Variants in ANKS6 observed in about 807,000 individuals in gnomAD.
ANKS6 encodes ankyrin repeat and SAM domain-containing protein 6.
A neutral mutation model predicts 77.9 loss-of-function variants in ANKS6; 47 were observed. The observed-to-expected ratio is 0.60, with a 90% CI of 0.48 to 0.77. ANKS6 has a LOEUF of 0.77. ANKS6 is among the 30% of genes least tolerant of loss of function. The pLI, the probability that ANKS6 is intolerant of heterozygous loss-of-function variation, is 0.00. For synonymous variants in ANKS6, 488 were observed against 501.7 expected, an observed-to-expected ratio of 0.97 and a Z score of 0.37; for missense variants, 1,150 against 1,159.1, an observed-to-expected ratio of 0.99 and a Z score of 0.11.
Position 98,778,212 on chromosome 9 carries a change from CAG to C in ANKS6, c.1567+12_1567+13del, listed in dbSNP as rs779689028. The C allele has an allele frequency of 4.3e-6, 7 of 1,613,760 alleles. No individual in the cohort carries two copies. The Admixed American group carries it at 1.0e-4, about 23-fold the overall frequency. On this transcript the variant is annotated intron_variant, in intron 7 of 14. Coordinates refer to ENST00000353234, the MANE Select transcript of ANKS6 (RefSeq NM_173551.5). ...CATTCCAAAAATTCTACTGCACATG[CAG>C]ACTTTTCTCACCATTGTCTTTGGTC... is the stretch of plus-strand genomic sequence containing the variant.
chr9:98,793,013 T>G (rs1834986095), intron 1 of ANKS6, among the ~76,000 whole-genome samples: 1 of 152,260 alleles, frequency 6.6e-6, no homozygotes, highest in Non-Finnish European at 1.5e-5. Context: ...GAGATGGGCA[T>G]GCTAGGGGCT....
rs1459638241 is a variant in ANKS6, at chr9:98,782,487, A to G, written c.1199T>C (p.Val400Ala). The G allele has an allele frequency of 6.2e-6, 10 of 1,613,992 alleles. No homozygotes were observed. Among genetic ancestry groups the G allele is most frequent in the Non-Finnish European group, 5.9e-6 (7 of 1,179,960 alleles). ...CCTACCGGGATCATTCAGCAGCATC[A>G]CCAGGTCAAAGGCCGTGTATCCATT... Reference protein sequence around the residue: ...AKNGYTAFDLVMLLNDPDTEL... With the variant: ...AKNGYTAFDLAMLLNDPDTEL... Residue 400 changes from valine (V) to alanine (A), a missense_variant, in exon 5 of 15, where the codon GTG becomes GCG. Physicochemically the swap from Val to Ala is moderately conservative, Grantham distance 64. Coordinates refer to ENST00000353234, the MANE Select transcript of ANKS6 (RefSeq NM_173551.5).
At chr9:98,745,780 A>G (rs1832095485) in intron 13 of ANKS6, 105 bp from the exon 14 acceptor site, 1 of 822,030 alleles carries the variant, frequency 1.2e-6, no homozygotes, top group Admixed American at 2.0e-5. Context: ...TATTAGTAGT[A>G]AACTGATGAT....
At chr9:98,761,523 T>C (rs1833008317) in intron 11 of ANKS6, among the ~76,000 whole-genome samples, 1 of 152,220 alleles carries the variant, frequency 6.6e-6, no homozygotes, top group African/African-American at 2.4e-5. Context: ...AATGGTATCT[T>C]TTACCAGGCA....
chr9:98,781,879 G>A lies in ANKS6; in HGVS notation c.1219+588C>T, dbSNP rs190642002. Among the ~76,000 whole-genome samples, 236 of 150,688 alleles carry A rather than the reference G, an allele frequency of 1.6e-3. 1 individual carries two copies. The highest frequency in any genetic ancestry group is 2.4e-3 in the Non-Finnish European group (163 of 67,228). On this transcript the variant is annotated intron_variant, in intron 5 of 14. Coordinates refer to ENST00000353234, the MANE Select transcript of ANKS6 (RefSeq NM_173551.5). ...GAAACTCCAGGTTGATAAGAAAGAC[G>A]ACAGATCAGAGACCTTTCCCCTTGA...
At position 98,766,971 on chromosome 9, in the gene ANKS6, C is replaced by T. The variant is rs535054745; in HGVS notation, c.2142+1110G>A. Among the ~76,000 whole-genome samples, 4 of 152,248 alleles carry T rather than the reference C, an allele frequency of 2.6e-5. No individual in the cohort carries two copies. In the South Asian group the frequency reaches 8.3e-4, roughly 32 times the overall value. Reference sequence around the variant, plus strand: ...CAGAGGAGGAAAGGGTTATGCTGCACTACTGGGGAGTCACTTGGTGGAGGA... The same window carrying T: ...CAGAGGAGGAAAGGGTTATGCTGCATTACTGGGGAGTCACTTGGTGGAGGA... On this transcript the variant is annotated intron_variant, in intron 11 of 14. Coordinates refer to ENST00000353234, the MANE Select transcript of ANKS6 (RefSeq NM_173551.5).
At chr9:98,740,143 G>T (rs142687455) in intron 14 of ANKS6, among the ~76,000 whole-genome samples, 92 of 152,234 alleles carry the variant, frequency 6.0e-4, no homozygotes, top group African/African-American at 2.1e-3. Context: ...CACTGAATGA[G>T]CCCAGACTTC....
chr9:98,784,937 CAAG>C, intron 2 of ANKS6, 61 bp from the exon 3 acceptor site: 1 of 1,490,360 alleles, frequency 6.7e-7, no homozygotes, highest in Non-Finnish European at 9.3e-7. Flanking sequence ...AGAAAAGTCA[CAAG>C]GGTGTAACAA....
chr9:98,735,865 A>C lies in ANKS6; in HGVS notation c.*654T>G. ...GTGGAATGCTACAGCAGTCACATAC[A>C]CAGCACTAAGGGACCCAGTGGCTGA... On this transcript the variant is annotated 3_prime_UTR_variant, in exon 15 of 15. Transcript: ENST00000353234. 1 of 1,232,150 alleles carries C rather than the reference A, an allele frequency of 8.1e-7. No homozygotes were observed. The highest frequency in any genetic ancestry group is 3.2e-5 in the East Asian group (1 of 31,696). The allele number at this position is 1,232,150 out of a possible 1,614,324, so 76.3% of individuals were successfully genotyped here.
intron 1 of ANKS6, among the ~76,000 whole-genome samples, chr9:98,795,070 A>G (rs1835101864): frequency 6.6e-6 from 1 of 152,130 alleles, no homozygotes; most frequent in Admixed American, 6.5e-5. Flanking sequence ...GCTTCACAGA[A>G]GCCAGATCTC....
intron 1 of ANKS6, among the ~76,000 whole-genome samples, chr9:98,795,463 T>A (rs1355862686): frequency 6.6e-6 from 1 of 152,152 alleles, no homozygotes. Flanking sequence ...GGCATCTGCC[T>A]TCTCTCCAGG....
intron 9 of ANKS6, among the ~76,000 whole-genome samples, chr9:98,772,302 C>G (rs915387588): frequency 6.6e-6 from 1 of 152,074 alleles, no homozygotes; most frequent in African/African-American, 2.4e-5. Flanking sequence ...CCACGGAGGC[C>G]GAGACTGGAG....
chr9:98,795,005 C>T (rs1215880912), intron 1 of ANKS6, among the ~76,000 whole-genome samples: 1 of 152,126 alleles, frequency 6.6e-6, no homozygotes, highest in Non-Finnish European at 1.5e-5. Flanking sequence ...ATGGATGCTA[C>T]CACAGAGGCC....
chr9:98,792,049 T>G (rs1334739756), intron 1 of ANKS6, among the ~76,000 whole-genome samples: 1 of 152,136 alleles, frequency 6.6e-6, no homozygotes, highest in Non-Finnish European at 1.5e-5. Flanking sequence ...TCCCAAATGA[T>G]ATTCTCCAAA....
chr9:98,751,211 C>A, intron 12 of ANKS6, 115 bp from the exon 13 acceptor site: 1 of 858,278 alleles, frequency 1.2e-6, no homozygotes, highest in Non-Finnish European at 1.8e-6. Context: ...ATAAGAAACA[C>A]CAACACAGAA....
intron 14 of ANKS6, among the ~76,000 whole-genome samples, chr9:98,743,383 T>A (rs911739701): frequency 6.7e-6 from 1 of 149,692 alleles, no homozygotes; most frequent in Non-Finnish European, 1.5e-5. Context: ...CCTCCCCACA[T>A]GTCATGTCTC....
At chr9:98,795,991 A>G in intron 1 of ANKS6, 142 bp downstream of exon 1, 10 of 814,568 alleles carry the variant, frequency 1.2e-5, no homozygotes, top group Non-Finnish European at 1.5e-5. Flanking sequence ...AAAGTTTACA[A>G]AAGACTACTC....
At chr9:98,794,230 C>A (rs1049196625) in intron 1 of ANKS6, among the ~76,000 whole-genome samples, 7 of 151,490 alleles carry the variant, frequency 4.6e-5, no homozygotes, top group African/African-American at 1.7e-4. Flanking sequence ...ACCAAAGGCA[C>A]AGGGTGTCTA....
intron 8 of ANKS6, among the ~76,000 whole-genome samples, chr9:98,775,843 A>G (rs1388053206): frequency 6.6e-6 from 1 of 152,208 alleles, no homozygotes; most frequent in East Asian, 1.9e-4. Context: ...CTATTTAATA[A>G]CATGATCAAA....
Sources: gnomAD v4.1 joint callset for allele counts (sites outside exome capture counted in the v4.1 genomes callset) on GRCh38, gnomAD v4.1.1 for gene constraint, MANE v1.5 for transcripts, NCBI Gene and HGNC (gene_info 2026-07-23, HGNC 2026-07-21) for gene names.